The following CEP57 variants were observed in gnomAD, a reference collection of about 807,000 sequenced individuals.
CEP57 encodes the protein centrosomal protein 57, also known as centrosomal protein of 57 kDa.
In CEP57, 40 loss-of-function variants were observed where a neutral mutation model predicts 68.0. That is an observed-to-expected ratio of 0.59 (90% CI 0.46 to 0.77). The LOEUF (loss-of-function observed/expected upper bound fraction) is 0.77, where lower values mean the gene tolerates loss of function less well. Among genes scored for constraint, CEP57 ranks in the 30% least tolerant of loss-of-function variants. CEP57 has a pLI of 0.00. For missense variants in CEP57, 606 were observed against 580.7 expected, an observed-to-expected ratio of 1.04 and a Z score of -0.45; for synonymous variants, 219 against 198.7, an observed-to-expected ratio of 1.10 and a Z score of -0.86.
intron 1 of CEP57, among the ~76,000 whole-genome samples, chr11:95,798,614 A>C (rs1194830610): frequency 6.6e-6 from 1 of 152,228 alleles, no homozygotes; most frequent in Non-Finnish European, 1.5e-5. Context: ...CACAGTTAGC[A>C]TCTCCTGGGT....
At chr11:95,826,367 A>G (rs565812757) in intron 8 of CEP57, 72 of 152,356 alleles carry the variant, frequency 4.7e-4, no homozygotes, top group African/African-American at 1.5e-3. Context: ...TCTCAGTTAC[A>G]TAAGTGGGAG....
intron 4 of CEP57, among the ~76,000 whole-genome samples, chr11:95,817,258 T>C (rs529918837): frequency 1.3e-5 from 2 of 151,894 alleles, no homozygotes; most frequent in South Asian, 2.1e-4. Context: ...TCCCAGCTAC[T>C]GGGGAGGCTG....
At chr11:95,822,940 G>A (rs1227160965) in intron 8 of CEP57, 1 of 282,646 alleles carries the variant, frequency 3.5e-6, no homozygotes, top group South Asian at 3.8e-5. Context: ...GTAGATATTC[G>A]AATAAGCACG....
chr11:95,808,468 T>G (rs1430909345), intron 2 of CEP57, among the ~76,000 whole-genome samples: 2 of 152,240 alleles, frequency 1.3e-5, no homozygotes, highest in East Asian at 1.9e-4. Context: ...CTGTATTCAG[T>G]AGACCCACCT....
At position 95,817,967 on chromosome 11, in the gene CEP57, T is replaced by G. The variant is rs536377450; in HGVS notation, c.621+64T>G. ...GGTGGTTTTTTTTTAATGTTAATTA[T>G]TTTACATCACTGGATATTTATAGCA... On this transcript the variant is annotated intron_variant, in intron 5 of 10. Transcript: ENST00000325542. The G allele has an allele frequency of 1.7e-4, 155 of 901,472 alleles. No homozygotes were observed. In the African/African-American group the frequency reaches 2.2e-3, roughly 13 times the overall value. The allele number at this position is 901,472 out of a possible 1,614,324, so 55.8% of individuals were successfully genotyped here.
At chr11:95,794,325 G>C (rs1445686065) in intron 1 of CEP57, 2 of 455,940 alleles carry the variant, frequency 4.4e-6, no homozygotes, top group Non-Finnish European at 8.8e-6. Flanking sequence ...AAATCGTTCA[G>C]CAAATATAAC....
chr11:95,810,148 C>T (rs1206167025), intron 2 of CEP57, among the ~76,000 whole-genome samples: 1 of 152,192 alleles, frequency 6.6e-6, no homozygotes, highest in Non-Finnish European at 1.5e-5. Flanking sequence ...CAAAATTCAG[C>T]AGCCCTTCAT....
chr11:95,808,895 A>C (rs1378996675), intron 2 of CEP57, among the ~76,000 whole-genome samples: 8 of 152,226 alleles, frequency 5.3e-5, no homozygotes, highest in Non-Finnish European at 8.8e-5. Flanking sequence ...AATCAATAGA[A>C]TATACATTCT....
intron 9 of CEP57, 116 bp downstream of exon 9, chr11:95,828,143 A>T: frequency 1.6e-6 from 2 of 1,222,728 alleles, no homozygotes; most frequent in Non-Finnish European, 1.1e-6. Context: ...GTTGAGCACA[A>T]TCCTTATACC....
intron 1 of CEP57, chr11:95,794,368 G>A (rs1260887695): frequency 2.2e-6 from 1 of 455,198 alleles, no homozygotes; most frequent in South Asian, 1.6e-5. Context: ...GAGTATGTGC[G>A]TCTTCAGCTT....
chr11:95,821,957 G>T lies in CEP57; in HGVS notation c.786G>T (p.Lys262Asn), dbSNP rs1278478459. ...CVPNARRIKK[K>N]KSKPPEKKSS... ...CCAATGCAAGAAGAATTAAAAAAAA[G>T]AAGTCAAAACCACCAGAAAAGGTGT... The change falls in exon 7 of 11, where the codon AAG (lysine) becomes AAT (asparagine). Residue 262 changes from lysine to asparagine, a missense_variant. Physicochemically the swap from Lys to Asn is moderately conservative, Grantham distance 94. Coordinates refer to ENST00000325542, the MANE Select transcript of CEP57 (RefSeq NM_014679.5). 1 of 1,612,156 alleles carries T rather than the reference G, an allele frequency of 6.2e-7. No homozygotes were observed. The highest frequency in any genetic ancestry group is 1.1e-5 in the South Asian group (1 of 90,996).
At chr11:95,791,954 G>C (rs1015458354) in intron 1 of CEP57, among the ~76,000 whole-genome samples, 1 of 152,138 alleles carries the variant, frequency 6.6e-6, no homozygotes, top group Admixed American at 6.5e-5. Context: ...AACTAGAAGA[G>C]TATCAGGGTA....
At chr11:95,821,400 T>C (rs1444501867) in intron 6 of CEP57, among the ~76,000 whole-genome samples, 1 of 152,180 alleles carries the variant, frequency 6.6e-6, no homozygotes, top group African/African-American at 2.4e-5. Flanking sequence ...TTTTTGTTTT[T>C]TGTTATTTTT....
At chr11:95,800,700 T>C (rs904780517) in intron 2 of CEP57, among the ~76,000 whole-genome samples, 2 of 152,198 alleles carry the variant, frequency 1.3e-5, no homozygotes, top group Admixed American at 6.5e-5. Flanking sequence ...AAGTCTCTTA[T>C]GTTTCAAATC....
intron 9 of CEP57, among the ~76,000 whole-genome samples, chr11:95,828,934 C>T (rs925397896): frequency 6.6e-6 from 1 of 150,778 alleles, no homozygotes; most frequent in Admixed American, 6.6e-5. Context: ...CCCAGCTACT[C>T]GGGAGGCTGA....
intron 1 of CEP57, among the ~76,000 whole-genome samples, chr11:95,796,775 C>T (rs989609189): frequency 6.6e-6 from 1 of 152,178 alleles, no homozygotes; most frequent in African/African-American, 2.4e-5. Flanking sequence ...GTTCGCAGAG[C>T]ATCTGCATTT....
chr11:95,828,131 T>G, intron 9 of CEP57, 104 bp downstream of exon 9: 1 of 1,372,614 alleles, frequency 7.3e-7, no homozygotes, highest in Non-Finnish European at 1.0e-6. Flanking sequence ...TGAGCAAGTA[T>G]GGTTGAGCAC....
chr11:95,809,511 A>G (rs541260686), intron 2 of CEP57, among the ~76,000 whole-genome samples: 70 of 152,374 alleles, frequency 4.6e-4, no homozygotes, highest in African/African-American at 1.5e-3. Context: ...AAAATGATAA[A>G]GGAGATATCA....
chr11:95,828,324 T>G (rs563653), intron 9 of CEP57, among the ~76,000 whole-genome samples: 42,346 of 152,118 alleles, frequency 0.28, 7,070 homozygotes, highest in Non-Finnish European at 0.38. Flanking sequence ...CTCTGAGAAA[T>G]ACATCATTAG....
Sources: allele counts gnomAD v4.1 joint callset (sites outside exome capture counted in the v4.1 genomes callset), GRCh38; gene constraint gnomAD v4.1.1; transcripts MANE v1.5; gene names NCBI Gene and HGNC (gene_info 2026-07-23, HGNC 2026-07-21).